The following NT5DC1 variants were observed in gnomAD, a reference collection of about 807,000 sequenced individuals.
NT5DC1 encodes the protein 5'-nucleotidase domain containing 1, also known as 5'-nucleotidase domain-containing protein 1.
NT5DC1 carries 42 observed loss-of-function variants against 59.4 expected under a neutral mutation model. The observed-to-expected ratio is 0.71, with a 90% CI of 0.55 to 0.92. The LOEUF (loss-of-function observed/expected upper bound fraction) is 0.92. NT5DC1 is among the 40% of genes least tolerant of loss of function. NT5DC1 has a pLI of 0.00. For synonymous variants in NT5DC1, 172 were observed against 188.1 expected (o/e 0.91, Z 0.70); for missense variants, 501 against 537.1 (o/e 0.93, Z 0.66).
chr6:116,205,485 G>A (rs187480428), intron 6 of NT5DC1, among the ~76,000 whole-genome samples: 68 of 151,906 alleles, frequency 4.5e-4, no homozygotes, highest in African/African-American at 1.6e-3. Flanking sequence ...GAACTTAACT[G>A]AGTCAGCAGC....
Position 116,223,096 on chromosome 6 carries a change from C to T in NT5DC1, c.767C>T (p.Ser256Phe). The T allele has an allele frequency of 6.2e-7, 1 of 1,606,862 alleles. No homozygotes were observed. Among genetic ancestry groups the T allele is most frequent in the East Asian group, 2.2e-5 (1 of 44,800 alleles). Residue 256 changes from serine to phenylalanine, a missense_variant, in exon 8 of 12, where the codon TCC (serine) becomes TTC (phenylalanine). Ser to Phe is a radical substitution (Grantham distance 155). Coordinates refer to ENST00000319550, the MANE Select transcript of NT5DC1 (RefSeq NM_152729.3). ...ITNALKPGFF[S>F]HLPSQRPFRT... ...AATGCATTGAAGCCTGGTTTCTTCTCCCACTTACCAAGTCAGAGACCTTTC... is the reference window on the plus strand; with the variant it reads ...AATGCATTGAAGCCTGGTTTCTTCTTCCACTTACCAAGTCAGAGACCTTTC...
chr6:116,109,808 A>G (rs765703310), intron 3 of NT5DC1, among the ~76,000 whole-genome samples: 6 of 152,152 alleles, frequency 3.9e-5, no homozygotes, highest in Admixed American at 6.5e-5. Flanking sequence ...TTGTTGCCAC[A>G]TTATAATACC....
At chr6:116,102,832 A>G (rs151219479) in intron 1 of NT5DC1, among the ~76,000 whole-genome samples, 63 of 152,346 alleles carry the variant, frequency 4.1e-4, no homozygotes, top group Non-Finnish European at 1.9e-4. Flanking sequence ...AAAAATGCTG[A>G]AGAGTTAGTC....
chr6:116,194,969 G>C (rs1161680877), intron 6 of NT5DC1, among the ~76,000 whole-genome samples: 1 of 152,066 alleles, frequency 6.6e-6, no homozygotes, highest in Non-Finnish European at 1.5e-5. Context: ...AAATCTGGAA[G>C]ATATACAGTG....
intron 6 of NT5DC1, among the ~76,000 whole-genome samples, chr6:116,182,594 G>A (rs1780909345): frequency 6.6e-6 from 1 of 151,886 alleles, no homozygotes; most frequent in Non-Finnish European, 1.5e-5. Flanking sequence ...GGAGTAAGGT[G>A]GTATCACATT....
In NT5DC1 at chr6:116,119,132, C is replaced by T. The variant is rs181441453; in HGVS notation, c.529+1187C>T. 4 of 152,714 alleles carry T rather than the reference C, an allele frequency of 2.6e-5. No individual in the cohort carries two copies. The East Asian group carries it at 7.7e-4, about 29-fold the overall frequency. 9.5% of individuals were successfully genotyped at this position (152,714 alleles called of 1,614,324 possible). On this transcript the variant is annotated intron_variant, in intron 6 of 11. Transcript: ENST00000319550. The stretch of plus-strand genomic sequence containing the variant: ...AGTTTTAAACAGCAATATAAAAATA[C>T]AGTACAGTGCATAAATAAATAATAT...
In NT5DC1 at chr6:116,121,967, A is replaced by G. The variant is rs375384269; in HGVS notation, c.529+4022A>G. On this transcript the variant is annotated intron_variant, in intron 6 of 11. Transcript: ENST00000319550. ...CTCTCCTCTTACTGCTATACCTAAA[A>G]GACACACCCAACACACCCACCCATA... is the stretch of plus-strand genomic sequence containing the variant. 751 of 1,610,296 alleles carry G rather than the reference A, an allele frequency of 4.7e-4. 1 individual carries two copies. Among genetic ancestry groups the G allele is most frequent in the Non-Finnish European group, 5.9e-4 (693 of 1,179,782 alleles).
intron 4 of NT5DC1, among the ~76,000 whole-genome samples, chr6:116,113,498 C>T (rs535741145): frequency 6.6e-6 from 1 of 152,286 alleles, no homozygotes; most frequent in East Asian, 1.9e-4. Context: ...CTCTTCTATA[C>T]AGAGGTGGAC....
Position 116,116,648 on chromosome 6 carries a change from A to G in NT5DC1, c.444+878A>G, listed in dbSNP as rs572801519. On this transcript the variant is annotated intron_variant, in intron 5 of 11. Coordinates refer to ENST00000319550, the MANE Select transcript of NT5DC1 (RefSeq NM_152729.3). ...CATAGCAAGACTGCGTCTCAAAATA[A>G]TAATAATAATTACTATCATTTTGAT... Among the ~76,000 whole-genome samples the G allele has an allele frequency of 1.3e-3, 198 of 152,030 alleles. 3 individuals are homozygous for G. Among genetic ancestry groups the G allele is most frequent in the African/African-American group, 4.7e-3 (196 of 41,454 alleles).
intron 6 of NT5DC1, chr6:116,121,137 GC>G: frequency 6.2e-7 from 1 of 1,613,418 alleles, no homozygotes; most frequent in Non-Finnish European, 8.5e-7. Context: ...AGACCTGCTG[GC>G]CCTTGTTCCC....
At chr6:116,114,541 G>A (rs1485195540) in intron 4 of NT5DC1, among the ~76,000 whole-genome samples, 1 of 138,162 alleles carries the variant, frequency 7.2e-6, no homozygotes, top group African/African-American at 2.7e-5. Context: ...GGGGGAGGGG[G>A]GGGGAGTCAA....
In NT5DC1 at chr6:116,115,785, A is replaced by T. The variant is rs190534892; in HGVS notation, c.444+15A>T. 196 of 1,350,124 alleles carry T rather than the reference A, an allele frequency of 1.5e-4. No homozygotes were observed. Among genetic ancestry groups the T allele is most frequent in the Non-Finnish European group, 2.0e-4 (190 of 940,038 alleles). The allele number at this position is 1,350,124 out of a possible 1,614,324, so 83.6% of individuals were successfully genotyped here. On this transcript the variant is annotated intron_variant, in intron 5 of 11. Transcript: ENST00000319550. ...ATTTAACAAAAGTAAGTGGGGACTC[A>T]TTTTTTAAAACTATGATATGTAGTC...
At chr6:116,130,650 A>C (rs1301844174) in intron 6 of NT5DC1, among the ~76,000 whole-genome samples, 1 of 152,110 alleles carries the variant, frequency 6.6e-6, no homozygotes, top group Non-Finnish European at 1.5e-5. Context: ...AAACGTATGC[A>C]CAGGGTGTTC....
intron 6 of NT5DC1, among the ~76,000 whole-genome samples, chr6:116,200,706 A>C (rs1264014139): frequency 1.3e-5 from 2 of 151,984 alleles, no homozygotes; most frequent in Non-Finnish European, 1.5e-5. Flanking sequence ...TCTCTGGGTG[A>C]TATTTAATGT....
intron 4 of NT5DC1, among the ~76,000 whole-genome samples, chr6:116,113,403 C>A (rs1778914191): frequency 6.6e-6 from 1 of 152,182 alleles, no homozygotes; most frequent in Admixed American, 6.5e-5. Flanking sequence ...CTGTGTAAAA[C>A]TTAATGGTTA....
intron 8 of NT5DC1, among the ~76,000 whole-genome samples, chr6:116,232,159 C>CTG (rs140724): frequency 0.75 from 113,912 of 151,872 alleles, 44,175 homozygotes; most frequent in East Asian, 1. Flanking sequence ...TAAAAGGAGA[C>CTG]TATTGGATTA....
rs753599581 is a variant in NT5DC1 at position 116,120,793 on chromosome 6, TGGGCCAGCCTCTCCATTGTGTCC to T, written c.529+2853_529+2875del. The T allele has an allele frequency of 3.3e-4, 529 of 1,613,500 alleles. 2 individuals are homozygous for T. Among genetic ancestry groups the T allele is most frequent in the Non-Finnish European group, 7.6e-5 (90 of 1,179,888 alleles). On this transcript the variant is annotated intron_variant, in intron 6 of 11. Transcript: ENST00000319550. ...TACCTGGTATTCCAGGGGCACCTCT[TGGGCCAGCCTCTCCATTGTGTCC>T]GGGCATTCCCTTTGCTCCTGCTGGG...
chr6:116,156,894 C>T (rs986159163), intron 6 of NT5DC1, among the ~76,000 whole-genome samples: 5 of 152,208 alleles, frequency 3.3e-5, no homozygotes, highest in African/African-American at 1.2e-4. Context: ...TTTTGTTCTC[C>T]TCAGGAGCCC....
intron 6 of NT5DC1, among the ~76,000 whole-genome samples, chr6:116,188,725 AT>A (rs1781056701): frequency 1.3e-5 from 2 of 149,476 alleles, no homozygotes; most frequent in African/African-American, 4.9e-5. Flanking sequence ...TTTTTACCTG[AT>A]TAGCAATTAC....
Sources: gnomAD v4.1 joint callset for allele counts (sites outside exome capture counted in the v4.1 genomes callset) on GRCh38, gnomAD v4.1.1 for gene constraint, MANE v1.5 for transcripts, NCBI Gene and HGNC (gene_info 2026-07-23, HGNC 2026-07-21) for gene names.